RAD51: variants seen among roughly 807,000 people sequenced by gnomAD.
RAD51 encodes RAD51 recombinase.
RAD51 carries 14 observed loss-of-function variants against 41.5 expected under a neutral mutation model. The observed-to-expected ratio is 0.34, with a 90% CI of 0.22 to 0.53. The LOEUF is 0.53. RAD51 is among the 20% of genes least tolerant of loss of function. The probability of loss-of-function intolerance (pLI) is 0.95; values close to 1 mark genes in which losing one functional copy is unlikely to be tolerated. For missense variants in RAD51, 234 were observed against 422.0 expected (o/e 0.55, Z 3.90); for synonymous variants, 136 against 148.6 (o/e 0.92, Z 0.62).
intron 1 of RAD51, 143 bp downstream of exon 1, chr15:40,695,568 C>G (rs1427611203): frequency 6.6e-6 from 1 of 152,424 alleles, no homozygotes; most frequent in African/African-American, 2.4e-5. Flanking sequence ...GTGTCCGCGC[C>G]CGACCGACCC....
chr15:40,728,713 A>G lies in RAD51; in HGVS notation c.533A>G (p.Tyr178Cys), dbSNP rs779214128. 2.9e-5 allele frequency: 46 copies of G among 1,613,194 alleles called. No individual in the cohort carries two copies. The highest frequency in any genetic ancestry group is 3.8e-5 in the Non-Finnish European group (45 of 1,179,386). The change falls in exon 7 of 10, where the codon TAT (tyrosine) becomes TGT (cysteine). Residue 178 changes from tyrosine to cysteine, a missense_variant and splice_region_variant. Physicochemically the swap from Tyr to Cys is radical, Grantham distance 194. Transcript: ENST00000267868. ...PERLLAVAER[Y>C]GLSGSDVLDN... Reference sequence around the variant, plus strand: ...AAATGTTCTCTCCTCTCTCATAGGTATGGTCTCTCTGGCAGTGATGTCCTG... The same window carrying G: ...AAATGTTCTCTCCTCTCTCATAGGTGTGGTCTCTCTGGCAGTGATGTCCTG...
intron 4 of RAD51, 75 bp from the exon 5 acceptor site, chr15:40,708,950 T>C: frequency 4.7e-6 from 6 of 1,266,944 alleles, no homozygotes; most frequent in Non-Finnish European, 3.5e-6. Flanking sequence ...TCTGATGAGC[T>C]CCAAGAACAT....
chr15:40,708,380 A>C (rs1337584633), intron 4 of RAD51, among the ~76,000 whole-genome samples: 2 of 151,312 alleles, frequency 1.3e-5, no homozygotes, highest in African/African-American at 2.4e-5. Flanking sequence ...GGTGCCCATC[A>C]CCAGTTCCAG....
chr15:40,716,137 A>G (rs1350109695), intron 5 of RAD51, among the ~76,000 whole-genome samples: 3 of 152,194 alleles, frequency 2.0e-5, no homozygotes, highest in Non-Finnish European at 4.4e-5. Flanking sequence ...ATGTCTTCAG[A>G]GTGTACCGTG....
rs7166084 is a variant in RAD51, at chr15:40,717,199, G to A, written c.436-1606G>A. Among the ~76,000 whole-genome samples, 1,439 of 152,136 alleles carry A rather than the reference G, an allele frequency of 9.5e-3. 22 individuals carry two copies. Among genetic ancestry groups the A allele is most frequent in the African/African-American group, 0.033 (1,380 of 41,514 alleles). On this transcript the variant is annotated intron_variant, in intron 5 of 9. Transcript: ENST00000267868. ...CTAAAAAATGCAAAATTAGCCGGGC[G>A]TGGTGGTGCATGCCTGAAATCCCAG... is the stretch of plus-strand genomic sequence containing the variant.
chr15:40,724,418 A>G (rs1896439678), intron 6 of RAD51, among the ~76,000 whole-genome samples: 1 of 152,160 alleles, frequency 6.6e-6, no homozygotes. Flanking sequence ...TGAGGACAAG[A>G]ACTTTGATTT....
intron 5 of RAD51, among the ~76,000 whole-genome samples, chr15:40,709,598 TC>T (rs766960055): frequency 1.8e-4 from 27 of 152,120 alleles, no homozygotes; most frequent in Non-Finnish European, 3.2e-4. Flanking sequence ...CCTCTTGAAC[TC>T]CTGATCTCAA....
rs34860677 is a variant in RAD51, at chr15:40,716,657, C to CTTTTTT, written c.436-2132_436-2127dup. On this transcript the variant is annotated intron_variant, in intron 5 of 9. Coordinates refer to ENST00000267868, the MANE Select transcript of RAD51 (RefSeq NM_002875.5). ...GCCCCCATGCCTGGCCTCTCTACTT[C>CTTTTTT]TTTTTTTTTTTTTTTTTTTTTGAGA... Among the ~76,000 whole-genome samples the CTTTTTT allele has an allele frequency of 1.2e-3, 102 of 88,166 alleles. 4 individuals carry two copies. Among genetic ancestry groups the CTTTTTT allele is most frequent in the African/African-American group, 4.1e-3 (96 of 23,420 alleles). The allele number at this position is 88,166 out of a possible 152,430, so 57.8% of individuals were successfully genotyped here. A position where few individuals can be genotyped will look rare whatever the true frequency, so the allele number is the denominator to read the frequency against.
intron 2 of RAD51, among the ~76,000 whole-genome samples, chr15:40,700,295 T>C: frequency 6.6e-6 from 1 of 152,184 alleles, no homozygotes; most frequent in East Asian, 1.9e-4. Flanking sequence ...AGAAGAGGTA[T>C]AAAAGTCCCT....
chr15:40,694,852 C>A (rs1282235575), upstream of RAD51: 7 of 152,128 alleles, frequency 4.6e-5, no homozygotes, highest in African/African-American at 7.2e-5. Context: ...CCCTGAAATC[C>A]CTCGCCCCAC....
chr15:40,712,989 C>T (rs1895785899), intron 5 of RAD51, among the ~76,000 whole-genome samples: 1 of 148,604 alleles, frequency 6.7e-6, no homozygotes, highest in Non-Finnish European at 1.5e-5. Flanking sequence ...AGCCATTCTC[C>T]TGCCTCAGCC....
chr15:40,718,265 C>A (rs1389449465), intron 5 of RAD51, among the ~76,000 whole-genome samples: 1 of 151,616 alleles, frequency 6.6e-6, no homozygotes, highest in Non-Finnish European at 1.5e-5. Context: ...TGCCTATAAT[C>A]CCAACACTTT....
chr15:40,704,182 T>A (rs1595984280), intron 3 of RAD51, among the ~76,000 whole-genome samples: 1 of 151,932 alleles, frequency 6.6e-6, no homozygotes, highest in East Asian at 1.9e-4. Flanking sequence ...CAAGCGATTC[T>A]CCTGCCTCAG....
intron 5 of RAD51, among the ~76,000 whole-genome samples, chr15:40,713,445 G>A (rs916116329): frequency 6.7e-6 from 1 of 149,452 alleles, no homozygotes; most frequent in African/African-American, 2.5e-5. Context: ...GTCTTGCTGT[G>A]TTGGCCAGGC....
intron 6 of RAD51, among the ~76,000 whole-genome samples, chr15:40,728,359 A>G (rs1471498265): frequency 2.0e-5 from 3 of 152,078 alleles, no homozygotes; most frequent in Non-Finnish European, 4.4e-5. Context: ...TTGGAGGCTG[A>G]GGCAGGAGAA....
intron 7 of RAD51, 42 bp downstream of exon 7, chr15:40,728,866 C>A: frequency 6.6e-7 from 1 of 1,510,866 alleles, no homozygotes; most frequent in Non-Finnish European, 9.2e-7. Context: ...TCTTAAGAGT[C>A]CTTCCCTGAA....
intron 7 of RAD51, among the ~76,000 whole-genome samples, chr15:40,729,135 G>C (rs888203457): frequency 1.3e-5 from 2 of 152,104 alleles, no homozygotes; most frequent in Admixed American, 6.6e-5. Flanking sequence ...CACTTTGGGA[G>C]GCCAAGGCGG....
At chr15:40,703,948 C>T (rs1340821625) in intron 3 of RAD51, among the ~76,000 whole-genome samples, 4 of 152,028 alleles carry the variant, frequency 2.6e-5, no homozygotes, top group African/African-American at 7.2e-5. Context: ...CTGTCACTTA[C>T]GTTGGAGTGC....
At chr15:40,712,731 C>T (rs1243597876) in intron 5 of RAD51, among the ~76,000 whole-genome samples, 1 of 152,064 alleles carries the variant, frequency 6.6e-6, no homozygotes, top group African/African-American at 2.4e-5. Context: ...ATAGATTATA[C>T]CCACTTCTGC....
Sources: allele counts gnomAD v4.1 joint callset (sites outside exome capture counted in the v4.1 genomes callset), GRCh38; gene constraint gnomAD v4.1.1; transcripts MANE v1.5; gene names NCBI Gene and HGNC (gene_info 2026-07-23, HGNC 2026-07-21).